The following PMPCA variants were observed in gnomAD, a reference collection of about 807,000 sequenced individuals.
The protein encoded by PMPCA is peptidase, mitochondrial processing subunit alpha.
PMPCA carries 47 observed loss-of-function variants against 59.3 expected under a neutral mutation model. That is an observed-to-expected ratio of 0.79 (90% CI 0.63 to 1.01). The LOEUF is 1.01. PMPCA is among the 50% of genes least tolerant of loss of function. The probability of loss-of-function intolerance (pLI) is 0.00; values close to 1 mark genes in which losing one functional copy is unlikely to be tolerated. For synonymous variants in PMPCA, 338 were observed against 290.3 expected (o/e 1.16, Z -1.67); for missense variants, 726 against 704.5 (o/e 1.03, Z -0.34).
chr9:136,413,124 G>A (rs1293339484), intron 4 of PMPCA, among the ~76,000 whole-genome samples: 1 of 152,240 alleles, frequency 6.6e-6, no homozygotes, highest in Non-Finnish European at 1.5e-5. Flanking sequence ...GCATGCCAGG[G>A]ATGTAGAGCA....
At chr9:136,412,719 G>C in intron 3 of PMPCA, 91 bp from the exon 4 acceptor site, 1 of 854,638 alleles carries the variant, frequency 1.2e-6, no homozygotes, top group South Asian at 1.5e-5. Flanking sequence ...TTTTGTATGT[G>C]TGTTAAAAGC....
chr9:136,422,944 C>T (rs1835500020), intron 12 of PMPCA, 151 bp from the exon 13 acceptor site: 19 of 1,443,958 alleles, frequency 1.3e-5, no homozygotes, highest in Non-Finnish European at 1.7e-5. Context: ...TGGCTACACC[C>T]AGTGGCTGCC....
At position 136,419,111 on chromosome 9, in the gene PMPCA, G is replaced by T. The variant is rs767062189; in HGVS notation, c.1263+5G>T. ...ATGGGCGGAACCGTGGACACGGTAA[G>T]TGCAGTGTGGCGCCATTTCCAGGCG... On this transcript the variant is annotated splice_donor_5th_base_variant and intron_variant, in intron 11 of 12. Coordinates refer to ENST00000371717, the MANE Select transcript of PMPCA (RefSeq NM_015160.3). 2 of 1,611,614 alleles carry T rather than the reference G, an allele frequency of 1.2e-6. No individual in the cohort carries two copies. The highest frequency in any genetic ancestry group is 1.1e-5 in the South Asian group (1 of 91,036).
intron 4 of PMPCA, 61 bp from the exon 5 acceptor site, chr9:136,414,492 C>T: frequency 8.7e-7 from 1 of 1,150,718 alleles, no homozygotes; most frequent in Non-Finnish European, 1.3e-6. Context: ...CGAGCGTCCC[C>T]TGGCTGTTAA....
At chr9:136,421,138 G>A (rs534215595) in intron 11 of PMPCA, among the ~76,000 whole-genome samples, 2 of 152,222 alleles carry the variant, frequency 1.3e-5, no homozygotes, top group African/African-American at 4.8e-5. Context: ...GCCCTGCGCC[G>A]GAGGCGTCTG....
In PMPCA at chr9:136,416,311, C is replaced by G; in HGVS notation, c.553C>G (p.Arg185Gly). Residue 185 changes from arginine (R) to glycine (G), a missense_variant, in exon 6 of 13, where the codon CGG becomes GGG. Arg to Gly is a moderately radical substitution (Grantham distance 125). Transcript: ENST00000371717. ...TGCAGATGAAGAAGTCGAGATGACG[C>G]GGATGGCGGTCCAGTTTGAGCTGGA... ...RLTDEEVEMT[R>G]MAVQFELEDL... is the part of the protein sequence containing the mutation. The G allele has an allele frequency of 6.2e-7, 1 of 1,613,696 alleles. No homozygotes were observed. Among genetic ancestry groups the G allele is most frequent in the Non-Finnish European group, 8.5e-7 (1 of 1,179,770 alleles).
chr9:136,418,427 C>T, intron 8 of PMPCA, 128 bp from the exon 9 acceptor site: 1 of 714,854 alleles, frequency 1.4e-6, no homozygotes, highest in African/African-American at 1.8e-5. Flanking sequence ...CCCTCCGTCC[C>T]TGGCGTCCAG....
intron 6 of PMPCA, 109 bp downstream of exon 6, chr9:136,416,500 A>C: frequency 1.3e-6 from 1 of 793,976 alleles, no homozygotes; most frequent in Non-Finnish European, 2.2e-6. Flanking sequence ...GGTTATGGAT[A>C]TATACAGAAC....
At chr9:136,422,465 G>A (rs1434826294) in intron 12 of PMPCA, 3 of 1,053,456 alleles carry the variant, frequency 2.8e-6, no homozygotes, top group African/African-American at 1.7e-5. Flanking sequence ...GACTCTTCTG[G>A]GGGACAGGCT....
chr9:136,423,524 G>C lies in PMPCA; in HGVS notation c.*260G>C. 1 of 452,350 alleles carries C rather than the reference G, an allele frequency of 2.2e-6. No individual in the cohort carries two copies. The highest frequency in any genetic ancestry group is 3.9e-5 in the East Asian group (1 of 25,906). 28.0% of individuals were successfully genotyped at this position (452,350 alleles called of 1,614,324 possible). On this transcript the variant is annotated 3_prime_UTR_variant, in exon 13 of 13. Transcript: ENST00000371717. Reference sequence around the variant, plus strand: ...GAGTGCAGCGTGCCACGAGGAGGGCGGTCGGTGCTTCCCTCCTCGGGCTGT... The same window carrying C: ...GAGTGCAGCGTGCCACGAGGAGGGCCGTCGGTGCTTCCCTCCTCGGGCTGT...
intron 5 of PMPCA, 101 bp from the exon 6 acceptor site, chr9:136,416,190 C>T: frequency 1.2e-6 from 1 of 839,554 alleles, no homozygotes. Flanking sequence ...CAACAGCCAC[C>T]AACAGGCGAC....
At chr9:136,414,738 C>T in intron 5 of PMPCA, 91 bp downstream of exon 5, 1 of 796,572 alleles carries the variant, frequency 1.3e-6, no homozygotes, top group South Asian at 1.4e-5. Flanking sequence ...TGAGGGAGAG[C>T]ACCATGTAAT....
Position 136,423,710 on chromosome 9 carries a change from C to G in PMPCA, c.*446C>G, listed in dbSNP as rs1262766649. ...CCCGGTCAGCTCCAAGGAGCGCGCT[C>G]CACGCGCGTGCACACAGCTTCCCTG... is the stretch of plus-strand genomic sequence containing the variant. On this transcript the variant is annotated 3_prime_UTR_variant, in exon 13 of 13. Transcript: ENST00000371717. 2 of 169,042 alleles carry G rather than the reference C, an allele frequency of 1.2e-5. No homozygotes were observed. The highest frequency in any genetic ancestry group is 2.6e-5 in the Non-Finnish European group (2 of 77,360). The allele number at this position is 169,042 out of a possible 1,614,324, so 10.5% of individuals were successfully genotyped here. A position where few individuals can be genotyped will look rare whatever the true frequency, so the allele number is the denominator to read the frequency against.
In PMPCA at chr9:136,416,339, A is replaced by G; in HGVS notation, c.581A>G (p.Asp194Gly). The G allele has an allele frequency of 6.2e-7, 1 of 1,613,928 alleles. No individual in the cohort carries two copies. The highest frequency in any genetic ancestry group is 8.5e-7 in the Non-Finnish European group (1 of 1,179,926). The change falls in exon 6 of 13, where the codon GAC becomes GGC. Residue 194 changes from aspartate (D) to glycine (G), a missense_variant. By Grantham distance (94) the Asp-to-Gly change is moderately conservative. Transcript: ENST00000371717. The part of the protein sequence containing the change: ...TRMAVQFELE[D>G]LNLRPDPEPL... ...ATGGCGGTCCAGTTTGAGCTGGAGG[A>G]CCTGAACCTGCGGCCTGACCCAGAG...
intron 8 of PMPCA, 135 bp downstream of exon 8, chr9:136,418,244 C>A: frequency 1.4e-6 from 1 of 713,246 alleles, no homozygotes. Context: ...CCCTCTGTCC[C>A]TGGCATCCAG....
At chr9:136,417,361 GGGC>G in intron 7 of PMPCA, 147 bp downstream of exon 7, 1 of 607,394 alleles carries the variant, frequency 1.6e-6, no homozygotes, top group East Asian at 2.9e-5. Context: ...TCCCACAGCA[GGGC>G]ATGGACTGTG....
rs756712165 is a variant in PMPCA, at chr9:136,419,113, G to A, written c.1263+7G>A. On this transcript the variant is annotated splice_region_variant and intron_variant, in intron 11 of 12. Transcript: ENST00000371717. ...GGGCGGAACCGTGGACACGGTAAGTGCAGTGTGGCGCCATTTCCAGGCGTA... is the reference window on the plus strand; with the variant it reads ...GGGCGGAACCGTGGACACGGTAAGTACAGTGTGGCGCCATTTCCAGGCGTA... The A allele has an allele frequency of 6.2e-7, 1 of 1,610,810 alleles. No homozygotes were observed. The highest frequency in any genetic ancestry group is 1.1e-5 in the South Asian group (1 of 91,012).
At chr9:136,416,014 G>A (rs369822899) in intron 5 of PMPCA, 12 of 534,302 alleles carry the variant, frequency 2.2e-5, no homozygotes, top group Non-Finnish European at 2.3e-5. Flanking sequence ...CAGTGTCTTC[G>A]GTGCCTTTCA....
chr9:136,414,067 C>T (rs1460133716), intron 4 of PMPCA, among the ~76,000 whole-genome samples: 1 of 152,250 alleles, frequency 6.6e-6, no homozygotes, highest in African/African-American at 2.4e-5. Flanking sequence ...CCATACGAGC[C>T]AGCCATTGCT....
Sources: gnomAD v4.1 joint callset for allele counts (sites outside exome capture counted in the v4.1 genomes callset) on GRCh38, gnomAD v4.1.1 for gene constraint, MANE v1.5 for transcripts, NCBI Gene and HGNC (gene_info 2026-07-23, HGNC 2026-07-21) for gene names.